CABLES1: variants seen among roughly 807,000 people sequenced by gnomAD.
The protein encoded by CABLES1 is CDK5 and ABL1 enzyme substrate 1.
Under a neutral mutation model 57.8 loss-of-function variants are expected in CABLES1, and 36 were observed. That is an observed-to-expected ratio of 0.62 (90% CI 0.48 to 0.82). The LOEUF is 0.82. CABLES1 is among the 40% of genes least tolerant of loss of function. CABLES1 has a pLI of 0.00. For missense variants in CABLES1, 767 were observed against 836.6 expected (o/e 0.92, Z 1.03); for synonymous variants, 374 against 363.0 (o/e 1.03, Z -0.35).
At chr18:23,246,554 G>A (rs1415315936) in intron 7 of CABLES1, among the ~76,000 whole-genome samples, 1 of 151,906 alleles carries the variant, frequency 6.6e-6, no homozygotes, top group African/African-American at 2.4e-5. Flanking sequence ...ACCACACCCG[G>A]CTAATTTTTT....
At chr18:23,207,792 G>A (rs1469041521) in intron 3 of CABLES1, among the ~76,000 whole-genome samples, 1 of 152,158 alleles carries the variant, frequency 6.6e-6, no homozygotes, top group African/African-American at 2.4e-5. Flanking sequence ...TAGCAGGTGG[G>A]GAGGCCTGCC....
intron 1 of CABLES1, among the ~76,000 whole-genome samples, chr18:23,161,260 A>G (rs1256836918): frequency 6.6e-6 from 1 of 152,062 alleles, no homozygotes; most frequent in Non-Finnish European, 1.5e-5. Context: ...GAAAATATTA[A>G]AAAACAACTC....
chr18:23,200,426 A>C (rs2047315965), intron 3 of CABLES1, among the ~76,000 whole-genome samples: 1 of 151,762 alleles, frequency 6.6e-6, no homozygotes, highest in African/African-American at 2.4e-5. Context: ...TGCCCAGCTA[A>C]TTTTTTTATA....
chr18:23,169,074 A>G (rs1365717795), intron 1 of CABLES1, among the ~76,000 whole-genome samples: 1 of 152,124 alleles, frequency 6.6e-6, no homozygotes, highest in Non-Finnish European at 1.5e-5. Flanking sequence ...ACCAAAACCA[A>G]AATGGCCACT....
Position 23,234,666 on chromosome 18 carries a change from A to T in CABLES1, c.1147A>T (p.Ile383Phe). ...TGGTGCAGTGAGTTTGAAAGAGATC[A>T]TTGGTCTGGAAGGTGTGGAGCTGGG... The part of the protein sequence containing the change: ...STGAVSLKEI[I>F]GLEGVELGAD... The change falls in exon 5 of 10, where the codon ATT becomes TTT. Residue 383 changes from isoleucine (I) to phenylalanine (F), a missense_variant. Ile to Phe is a conservative substitution (Grantham distance 21). Around this residue, in one of 4 missense-constraint regions of CABLES1, gnomAD observed 529 missense variants for 622.8 expected, o/e 0.85. Transcript: ENST00000256925. 4 of 1,613,844 alleles carry T rather than the reference A, an allele frequency of 2.5e-6. No homozygotes were observed. Among genetic ancestry groups the T allele is most frequent in the Non-Finnish European group, 2.5e-6 (3 of 1,179,846 alleles).
intron 2 of CABLES1, among the ~76,000 whole-genome samples, chr18:23,194,193 C>T (rs1387305061): frequency 6.6e-6 from 1 of 151,980 alleles, no homozygotes; most frequent in East Asian, 1.9e-4. Context: ...ATGCAGGGGA[C>T]AATATTCTTG....
chr18:23,244,848 C>T (rs990660342), intron 7 of CABLES1, among the ~76,000 whole-genome samples: 1 of 152,200 alleles, frequency 6.6e-6, no homozygotes, highest in Non-Finnish European at 1.5e-5. Context: ...GGTCAGAGAA[C>T]AGTGGCCGAG....
chr18:23,246,937 C>T (rs142689686), intron 7 of CABLES1, among the ~76,000 whole-genome samples: 4,592 of 152,336 alleles, frequency 0.03, 106 homozygotes, highest in Middle Eastern at 0.078. Flanking sequence ...AAGTGATCTG[C>T]CTGCCTCAGC....
rs536460919 is a variant in CABLES1, at chr18:23,258,567, AAGAG to A, written c.*1205_*1208del. 1 of 152,208 alleles carries A rather than the reference AAGAG, an allele frequency of 6.6e-6. No individual in the cohort carries two copies. The highest frequency in any genetic ancestry group is 1.9e-4 in the East Asian group (1 of 5,196). The allele number at this position is 152,208 out of a possible 1,614,324, so 9.4% of individuals were successfully genotyped here. On this transcript the variant is annotated 3_prime_UTR_variant, in exon 10 of 10. Coordinates refer to ENST00000256925, the MANE Select transcript of CABLES1 (RefSeq NM_001100619.3). ...CACCACACTGTCGCCTCATAGCTGC[AAGAG>A]AGAGGCACCAGCTGAAGTTCCCCTG...
At chr18:23,215,889 GA>G (rs1484343319) in intron 4 of CABLES1, among the ~76,000 whole-genome samples, 1 of 152,046 alleles carries the variant, frequency 6.6e-6, no homozygotes, top group African/African-American at 2.4e-5. Context: ...GAGTAGCTGG[GA>G]CTGCAGGCGC....
chr18:23,199,358 G>T (rs974466415), intron 3 of CABLES1, among the ~76,000 whole-genome samples: 2 of 152,176 alleles, frequency 1.3e-5, no homozygotes, highest in Non-Finnish European at 2.9e-5. Context: ...ATTGCTAGTT[G>T]TATACCCAGA....
chr18:23,254,365 T>C (rs1330091010), intron 9 of CABLES1, among the ~76,000 whole-genome samples: 2 of 152,206 alleles, frequency 1.3e-5, no homozygotes, highest in Non-Finnish European at 2.9e-5. Flanking sequence ...AGGTGGTATC[T>C]CTTTTCTTTA....
At chr18:23,237,296 C>T (rs753458944) in intron 7 of CABLES1, 51 bp downstream of exon 7, 3 of 1,304,582 alleles carry the variant, frequency 2.3e-6, no homozygotes, top group African/African-American at 1.5e-5. Flanking sequence ...AGTTGCCCCA[C>T]CTGGGTTGGT....
At chr18:23,171,261 C>G (rs1254382614) in intron 1 of CABLES1, among the ~76,000 whole-genome samples, 1 of 152,210 alleles carries the variant, frequency 6.6e-6, no homozygotes, top group Non-Finnish European at 1.5e-5. Context: ...TTATAATGAA[C>G]TCTTAGTGTG....
intron 3 of CABLES1, among the ~76,000 whole-genome samples, chr18:23,209,855 G>A (rs913602232): frequency 3.9e-4 from 59 of 152,064 alleles, no homozygotes; most frequent in Non-Finnish European, 2.6e-4. Context: ...GTGAAAAGTG[G>A]CCCGTGGTGC....
chr18:23,204,006 G>A lies in CABLES1; in HGVS notation c.1010+9466G>A, dbSNP rs147466634. The stretch of plus-strand genomic sequence containing the variant: ...AACAAAACCCCAGTCTAGGAGGACA[G>A]GGAGTGGACAGCCTGAAGACGCCTC... On this transcript the variant is annotated intron_variant, in intron 3 of 9. Coordinates refer to ENST00000256925, the MANE Select transcript of CABLES1 (RefSeq NM_001100619.3). Among the ~76,000 whole-genome samples, 132 of 152,330 alleles carry A rather than the reference G, an allele frequency of 8.7e-4. 2 individuals carry two copies. The East Asian group carries it at 0.021, about 25-fold the overall frequency.
At chr18:23,145,293 G>A (rs535670461) in intron 1 of CABLES1, among the ~76,000 whole-genome samples, 1 of 151,932 alleles carries the variant, frequency 6.6e-6, no homozygotes, top group African/African-American at 2.4e-5. Flanking sequence ...GGCTGGGCTC[G>A]ATCTCTTGAC....
At chr18:23,227,904 A>C (rs908330981) in intron 4 of CABLES1, among the ~76,000 whole-genome samples, 1 of 152,122 alleles carries the variant, frequency 6.6e-6, no homozygotes, top group Admixed American at 6.5e-5. Flanking sequence ...TGTTCAACCT[A>C]TTGTTGTCCT....
chr18:23,175,478 T>TTTTC (rs1478799543), intron 1 of CABLES1, among the ~76,000 whole-genome samples: 5 of 152,290 alleles, frequency 3.3e-5, no homozygotes, highest in South Asian at 2.1e-4. Context: ...GAGCTTTTTC[T>TTTTC]TTTCTTTCTT....
Sources: allele counts gnomAD v4.1 joint callset (sites outside exome capture counted in the v4.1 genomes callset), GRCh38; gene constraint gnomAD v4.1.1; regional missense constraint gnomAD v4.1.1; transcripts MANE v1.5; gene names NCBI Gene and HGNC (gene_info 2026-07-23, HGNC 2026-07-21).